COL19A1: variants seen among roughly 807,000 people sequenced by gnomAD.
COL19A1 encodes the protein collagen alpha-1(XIX) chain.
In COL19A1, 159 loss-of-function variants were observed where a neutral mutation model predicts 190.2. That is an observed-to-expected ratio of 0.84 (90% confidence interval 0.73 to 0.95). The LOEUF (loss-of-function observed/expected upper bound fraction) is 0.95, where lower values mean the gene tolerates loss of function less well. Among genes scored for constraint, COL19A1 ranks in the 40% least tolerant of loss-of-function variants. The pLI is 0.00. For synonymous variants in COL19A1, 509 were observed against 458.9 expected (o/e 1.11, Z -1.39); for missense variants, 1,418 against 1,431.9 (o/e 0.99, Z 0.16).
chr6:69,882,310 A>C (rs919845740), intron 2 of COL19A1, among the ~76,000 whole-genome samples: 3 of 152,222 alleles, frequency 2.0e-5, no homozygotes, highest in Admixed American at 6.5e-5. Context: ...CAATTTGCCT[A>C]TTGAGATCAT....
chr6:70,098,203 G>A (rs752569568), intron 15 of COL19A1, among the ~76,000 whole-genome samples: 5 of 152,124 alleles, frequency 3.3e-5, no homozygotes, highest in Non-Finnish European at 7.4e-5. Context: ...CTGAAAAGTG[G>A]GGGAATCTGA....
chr6:70,100,567 G>A (rs1490956003), intron 15 of COL19A1, among the ~76,000 whole-genome samples: 2 of 119,190 alleles, frequency 1.7e-5, no homozygotes, highest in African/African-American at 6.5e-5. Context: ...CAGAGTCTCT[G>A]TCTCCCAGGC....
At chr6:69,937,955 T>C in intron 8 of COL19A1, 83 bp from the exon 9 acceptor site, 1 of 1,324,634 alleles carries the variant, frequency 7.5e-7, no homozygotes, top group African/African-American at 1.4e-5. Flanking sequence ...ATCTTGCTAG[T>C]GCCAGCTTCA....
At chr6:70,066,203 T>C (rs532877712) in intron 14 of COL19A1, among the ~76,000 whole-genome samples, 4 of 152,306 alleles carry the variant, frequency 2.6e-5, no homozygotes, top group Admixed American at 1.3e-4. Flanking sequence ...CCAACCCAAA[T>C]GTCCAACAGT....
chr6:70,109,206 AAGG>A (rs1356957446), intron 16 of COL19A1, among the ~76,000 whole-genome samples: 4 of 152,106 alleles, frequency 2.6e-5, no homozygotes, highest in Non-Finnish European at 5.9e-5. Context: ...AATGATTTGG[AAGG>A]AGGAGATGTT....
intron 15 of COL19A1, among the ~76,000 whole-genome samples, chr6:70,094,185 A>G (rs1783099977): frequency 2.0e-5 from 3 of 152,188 alleles, no homozygotes; most frequent in Admixed American, 2.0e-4. Flanking sequence ...TACACATATC[A>G]TTGAGTTCAA....
At chr6:69,965,822 G>A (rs1368672214) in intron 11 of COL19A1, among the ~76,000 whole-genome samples, 2 of 152,132 alleles carry the variant, frequency 1.3e-5, no homozygotes, top group African/African-American at 4.8e-5. Flanking sequence ...AGTTAGGTGT[G>A]TATCACCCAA....
intron 2 of COL19A1, among the ~76,000 whole-genome samples, chr6:69,882,760 T>C (rs1768649663): frequency 6.6e-6 from 1 of 152,208 alleles, no homozygotes; most frequent in African/African-American, 2.4e-5. Flanking sequence ...CCTTCTAAGG[T>C]AGTTTTCTAT....
rs938338401 is a variant in COL19A1, at chr6:69,936,733, T to A, written c.748-52T>A. ...TTAGTGGGAGCCAGTGTTTGGAACA[T>A]GAGAATGTTTGGAATTGACCCCATT... On this transcript the variant is annotated intron_variant, in intron 7 of 50. Coordinates refer to ENST00000620364, the MANE Select transcript of COL19A1 (RefSeq NM_001858.6). The A allele has an allele frequency of 5.7e-6, 9 of 1,590,484 alleles. No individual in the cohort carries two copies. The Admixed American group carries it at 1.5e-4, about 27-fold the overall frequency.
intron 14 of COL19A1, among the ~76,000 whole-genome samples, chr6:70,037,303 C>T (rs1390746660): frequency 6.6e-6 from 1 of 151,890 alleles, no homozygotes; most frequent in Non-Finnish European, 1.5e-5. Context: ...CTACAGGCAC[C>T]TGCCACCATG....
chr6:70,189,300 T>G (rs1189595705), intron 47 of COL19A1, among the ~76,000 whole-genome samples: 1 of 152,208 alleles, frequency 6.6e-6, no homozygotes, highest in African/African-American at 2.4e-5. Flanking sequence ...TACCCAAGAA[T>G]GTTTATAATA....
At chr6:69,989,112 A>G (rs971052394) in intron 11 of COL19A1, among the ~76,000 whole-genome samples, 2 of 151,976 alleles carry the variant, frequency 1.3e-5, no homozygotes, top group African/African-American at 4.8e-5. Flanking sequence ...GCCTTTGCCT[A>G]GATTGTTGGA....
intron 11 of COL19A1, among the ~76,000 whole-genome samples, chr6:69,985,252 G>C (rs1776250583): frequency 1.3e-5 from 2 of 152,168 alleles, no homozygotes; most frequent in African/African-American, 4.8e-5. Context: ...ATTTGTTTAA[G>C]TAGTGAGGTA....
chr6:70,049,756 A>G (rs1172665948), intron 14 of COL19A1, among the ~76,000 whole-genome samples: 1 of 152,074 alleles, frequency 6.6e-6, no homozygotes, highest in East Asian at 1.9e-4. Context: ...AGAAAAATAA[A>G]TTAAAATGTA....
At chr6:69,896,476 G>T (rs1001952801) in intron 2 of COL19A1, among the ~76,000 whole-genome samples, 15 of 143,738 alleles carry the variant, frequency 1.0e-4, no homozygotes, top group East Asian at 4.3e-4. Flanking sequence ...GGCGGAGCTT[G>T]CAGTGAGCCG....
At chr6:70,046,340 C>A (rs1779915816) in intron 14 of COL19A1, among the ~76,000 whole-genome samples, 1 of 152,150 alleles carries the variant, frequency 6.6e-6, no homozygotes, top group African/African-American at 2.4e-5. Flanking sequence ...TGTCACTCTT[C>A]TTTTCGGAAT....
chr6:70,004,924 C>G (rs954299089), intron 11 of COL19A1, among the ~76,000 whole-genome samples: 2 of 151,920 alleles, frequency 1.3e-5, no homozygotes, highest in African/African-American at 4.8e-5. Flanking sequence ...GCTCTGCCCC[C>G]CGGGTTCATG....
At chr6:69,993,023 G>A (rs771104349) in intron 11 of COL19A1, among the ~76,000 whole-genome samples, 9 of 152,076 alleles carry the variant, frequency 5.9e-5, no homozygotes, top group Non-Finnish European at 1.2e-4. Flanking sequence ...GGCCATCCTT[G>A]TCTTGTTCCA....
At chr6:69,867,869 C>T (rs1767573485) in intron 1 of COL19A1, among the ~76,000 whole-genome samples, 1 of 151,982 alleles carries the variant, frequency 6.6e-6, no homozygotes, top group East Asian at 1.9e-4. Context: ...ATAGAACAAT[C>T]CGTGAATAGA....
Sources: allele counts gnomAD v4.1 joint callset (sites outside exome capture counted in the v4.1 genomes callset), GRCh38; gene constraint gnomAD v4.1.1; transcripts MANE v1.5; gene names NCBI Gene and HGNC (gene_info 2026-07-23, HGNC 2026-07-21).